Variants in GALNTL6 observed in about 807,000 individuals in gnomAD.
GALNTL6 encodes the protein polypeptide N-acetylgalactosaminyltransferase like 6, also known as polypeptide N-acetylgalactosaminyltransferase-like 6.
A neutral mutation model predicts 73.7 loss-of-function variants in GALNTL6; 46 were observed. The observed-to-expected ratio is 0.62, with a 90% CI of 0.49 to 0.80. GALNTL6 has a LOEUF of 0.80. GALNTL6 is among the 30% of genes least tolerant of loss of function. The pLI, the probability that GALNTL6 is intolerant of heterozygous loss-of-function variation, is 0.00. For missense variants in GALNTL6, 604 were observed against 755.0 expected (o/e 0.80, Z 2.34); for synonymous variants, 259 against 263.7 (o/e 0.98, Z 0.17).
chr4:172,514,580 C>T (rs946142792), intron 5 of GALNTL6, among the ~76,000 whole-genome samples: 40 of 152,174 alleles, frequency 2.6e-4, no homozygotes, highest in Admixed American at 2.3e-3. Context: ...ATCTGCACTT[C>T]CCATTTGCCC....
At chr4:172,660,635 T>C (rs1187698465) in intron 5 of GALNTL6, among the ~76,000 whole-genome samples, 2 of 152,188 alleles carry the variant, frequency 1.3e-5, no homozygotes, top group African/African-American at 4.8e-5. Context: ...CATCTCTGTC[T>C]TTCAAAGTCA....
At chr4:172,768,493 A>G (rs924096557) in intron 5 of GALNTL6, among the ~76,000 whole-genome samples, 30 of 152,238 alleles carry the variant, frequency 2.0e-4, no homozygotes, top group African/African-American at 7.2e-4. Flanking sequence ...TTGAAAAATG[A>G]AAAGTACACA....
intron 5 of GALNTL6, among the ~76,000 whole-genome samples, chr4:172,355,351 C>T (rs184589886): frequency 1.3e-5 from 2 of 151,964 alleles, no homozygotes; most frequent in Admixed American, 6.6e-5. Context: ...TTCTAATGTA[C>T]GTTGTTTGAG....
Position 172,952,092 on chromosome 4 carries a change from A to G in GALNTL6, c.1205A>G (p.Gln402Arg). Residue 402 changes from glutamine (Q) to arginine (R), a missense_variant, in exon 10 of 13, where the codon CAG becomes CGG. By Grantham distance (43) the Gln-to-Arg change is conservative. Coordinates refer to ENST00000506823, the MANE Select transcript of GALNTL6 (RefSeq NM_001034845.3). ...WMDEFAEYIY[Q>R]RRPEYRHLST... ...GATGAATTTGCCGAGTACATTTACCAGCGGCGGCCGGAGTACAGGCATCTC... is the reference window on the plus strand; with the variant it reads ...GATGAATTTGCCGAGTACATTTACCGGCGGCGGCCGGAGTACAGGCATCTC... 1.2e-5 allele frequency: 19 copies of G among 1,614,104 alleles called. No individual in the cohort carries two copies. The highest frequency in any genetic ancestry group is 1.6e-5 in the Non-Finnish European group (19 of 1,179,984).
At chr4:172,032,733 A>G (rs1384556651) in intron 2 of GALNTL6, among the ~76,000 whole-genome samples, 1 of 152,074 alleles carries the variant, frequency 6.6e-6, no homozygotes, top group African/African-American at 2.4e-5. Flanking sequence ...GAAATGTTGC[A>G]TTAGAATGTT....
At chr4:172,340,989 G>T (rs34629752) in intron 4 of GALNTL6, among the ~76,000 whole-genome samples, 1 of 151,842 alleles carries the variant, frequency 6.6e-6, no homozygotes, top group Non-Finnish European at 1.5e-5. Context: ...CACCTTGGTC[G>T]CCTGGACTCT....
intron 5 of GALNTL6, among the ~76,000 whole-genome samples, chr4:172,643,473 T>G (rs1740083204): frequency 6.6e-6 from 1 of 151,950 alleles, no homozygotes; most frequent in African/African-American, 2.4e-5. Context: ...TATCACAAAG[T>G]GAATGTATTC....
At chr4:172,994,029 C>G (rs925885410) in intron 10 of GALNTL6, among the ~76,000 whole-genome samples, 1 of 152,202 alleles carries the variant, frequency 6.6e-6, no homozygotes, top group Non-Finnish European at 1.5e-5. Context: ...CTCATTGAAT[C>G]TAGCATGATT....
chr4:172,316,863 C>T (rs1308770370), intron 4 of GALNTL6, among the ~76,000 whole-genome samples: 3 of 152,164 alleles, frequency 2.0e-5, no homozygotes, highest in African/African-American at 7.2e-5. Context: ...AATTGTCAAA[C>T]TTAAGTCATG....
chr4:172,487,299 T>TTTCCTTCTTTCCTTCC (rs201082596), intron 5 of GALNTL6, among the ~76,000 whole-genome samples: 2 of 83,672 alleles, frequency 2.4e-5, no homozygotes, highest in Non-Finnish European at 5.0e-5. Context: ...TCTTTCCTTC[T>TTTCCTTCTTTCCTTCC]GTCTTTCTTT....
chr4:172,314,690 C>G lies in GALNTL6; in HGVS notation c.386+2938C>G, dbSNP rs1433616740. On this transcript the variant is annotated intron_variant, in intron 4 of 12. Coordinates refer to ENST00000506823, the MANE Select transcript of GALNTL6 (RefSeq NM_001034845.3). Reference sequence around the variant, plus strand: ...TGATGCGATCTTGGCTCACTGCAACCTCCGCCTCCTGGGTTCAAGCGATTC... The same window carrying G: ...TGATGCGATCTTGGCTCACTGCAACGTCCGCCTCCTGGGTTCAAGCGATTC... Among the ~76,000 whole-genome samples, 3 of 145,846 alleles carry G rather than the reference C, an allele frequency of 2.1e-5. No homozygotes were observed. The South Asian group carries it at 6.6e-4, about 32-fold the overall frequency.
intron 2 of GALNTL6, among the ~76,000 whole-genome samples, chr4:172,126,333 C>A (rs1232771191): frequency 6.6e-6 from 1 of 152,124 alleles, no homozygotes; most frequent in Non-Finnish European, 1.5e-5. Flanking sequence ...TTTAGACTTT[C>A]AAACTTCAAT....
intron 5 of GALNTL6, among the ~76,000 whole-genome samples, chr4:172,556,062 G>T (rs1274803027): frequency 1.3e-5 from 2 of 151,964 alleles, no homozygotes; most frequent in East Asian, 3.9e-4. Context: ...ATTTAATTAG[G>T]TTCCATTCCA....
At position 172,236,099 on chromosome 4, in the gene GALNTL6, C is replaced by A. The variant is rs547309352; in HGVS notation, c.247+6335C>A. ...ATAAGCATTTTGGAAACTAAATTCC[C>A]GTCTGAATATTACTTTAACTACATT... On this transcript the variant is annotated intron_variant, in intron 3 of 12. Transcript: ENST00000506823. Among the ~76,000 whole-genome samples, 8 of 152,206 alleles carry A rather than the reference C, an allele frequency of 5.3e-5. No individual in the cohort carries two copies. In the South Asian group the frequency reaches 8.3e-4, roughly 16 times the overall value.
At chr4:171,868,774 C>G (rs547774584) in intron 2 of GALNTL6, among the ~76,000 whole-genome samples, 2 of 152,034 alleles carry the variant, frequency 1.3e-5, no homozygotes, top group East Asian at 3.9e-4. Flanking sequence ...CTCTGCCTCC[C>G]GGGTTCAAGC....
chr4:171,914,780 T>TAA (rs11447734), intron 2 of GALNTL6, among the ~76,000 whole-genome samples: 29,845 of 144,724 alleles, frequency 0.21, 3,159 homozygotes, highest in Middle Eastern at 0.28. Flanking sequence ...GTAAAAATGA[T>TAA]AAAAAAAAAA....
intron 2 of GALNTL6, among the ~76,000 whole-genome samples, chr4:171,844,693 C>T (rs1002171230): frequency 6.6e-6 from 1 of 152,018 alleles, no homozygotes; most frequent in South Asian, 2.1e-4. Context: ...GGAGAAAGCA[C>T]TTGATTTCTG....
intron 2 of GALNTL6, among the ~76,000 whole-genome samples, chr4:171,972,895 A>C (rs996742027): frequency 6.6e-6 from 1 of 152,214 alleles, no homozygotes; most frequent in Non-Finnish European, 1.5e-5. Context: ...TATCTGAATT[A>C]CTAAATACAA....
intron 2 of GALNTL6, among the ~76,000 whole-genome samples, chr4:171,892,150 T>G (rs1321013993): frequency 6.6e-6 from 1 of 152,210 alleles, no homozygotes; most frequent in Non-Finnish European, 1.5e-5. Context: ...ATTTTGTGTT[T>G]AGACCTGATT....
Sources: gnomAD v4.1 joint callset for allele counts (sites outside exome capture counted in the v4.1 genomes callset) on GRCh38, gnomAD v4.1.1 for gene constraint, MANE v1.5 for transcripts, NCBI Gene and HGNC (gene_info 2026-07-23, HGNC 2026-07-21) for gene names.